Variants in ATXN2 observed in about 807,000 individuals in gnomAD.
ATXN2 encodes ataxin-2.
Under a neutral mutation model 138.6 loss-of-function variants are expected in ATXN2, and 37 were observed. The observed-to-expected ratio is 0.27, with a 90% CI of 0.21 to 0.35. ATXN2 has a LOEUF of 0.35. ATXN2 is among the 10% of genes least tolerant of loss of function. The pLI, the probability that ATXN2 is intolerant of heterozygous loss-of-function variation, is 1.00. For missense variants in ATXN2, 1,216 were observed against 1,480.3 expected, an observed-to-expected ratio of 0.82 and a Z score of 2.93; for synonymous variants, 549 against 543.7, an observed-to-expected ratio of 1.01 and a Z score of -0.13.
intron 14 of ATXN2, among the ~76,000 whole-genome samples, chr12:111,496,795 C>A (rs750883662): frequency 1.3e-5 from 2 of 151,932 alleles, no homozygotes; most frequent in Non-Finnish European, 2.9e-5. Flanking sequence ...AGTGGAAAAA[C>A]TTCATCTGCC....
chr12:111,552,653 A>G lies in ATXN2; in HGVS notation c.421-223T>C. 2 of 578,902 alleles carry G rather than the reference A, an allele frequency of 3.5e-6. No homozygotes were observed. The highest frequency in any genetic ancestry group is 5.7e-6 in the Non-Finnish European group (2 of 352,946). 35.9% of individuals were successfully genotyped at this position (578,902 alleles called of 1,614,324 possible). A position where few individuals can be genotyped will look rare whatever the true frequency, so the allele number is the denominator to read the frequency against. The stretch of plus-strand genomic sequence containing the variant: ...TTCTATGGTTTGTCTTAAGTACATT[A>G]ATAATAATTTTTAAGAGGAAAAAAC... On this transcript the variant is annotated intron_variant, in intron 4 of 24. Transcript: ENST00000673436. The surrounding 1 kb of genome is among the most constrained non-coding windows in gnomAD (Gnocchi z 4.1).
At chr12:111,464,754 G>A in intron 20 of ATXN2, 39 bp from the exon 21 acceptor site, 1 of 1,542,714 alleles carries the variant, frequency 6.5e-7, no homozygotes, top group Non-Finnish European at 8.9e-7. Context: ...AGCCTTTTGA[G>A]GTGTGCATTT....
At chr12:111,524,885 A>T (rs1490470964) in intron 6 of ATXN2, among the ~76,000 whole-genome samples, 1 of 152,216 alleles carries the variant, frequency 6.6e-6, no homozygotes, top group African/African-American at 2.4e-5. Flanking sequence ...AGCAAAACAC[A>T]CCGGCATTTC....
At chr12:111,534,271 C>A (rs907479336) in intron 5 of ATXN2, among the ~76,000 whole-genome samples, 2 of 151,820 alleles carry the variant, frequency 1.3e-5, no homozygotes, top group African/African-American at 4.8e-5. Flanking sequence ...CATGGTGATG[C>A]GCACCTGTGG....
chr12:111,571,194 A>C (rs1883292870), intron 1 of ATXN2, among the ~76,000 whole-genome samples: 1 of 152,234 alleles, frequency 6.6e-6, no homozygotes. Context: ...TGTGTACAAC[A>C]AGGAAGACAA....
chr12:111,598,210 C>T lies in ATXN2; in HGVS notation c.251+574G>A, dbSNP rs758850638. ...CCCCGTCCTCCGATCTTTCCCAGGACTCGGAGGGGGCGGGGAGAGAGCCCC... is the reference window on the plus strand; with the variant it reads ...CCCCGTCCTCCGATCTTTCCCAGGATTCGGAGGGGGCGGGGAGAGAGCCCC... On this transcript the variant is annotated intron_variant, in intron 1 of 24. Coordinates refer to ENST00000673436, the MANE Select transcript of ATXN2 (RefSeq NM_001372574.1). This position sits in a 1 kb window ranked among gnomAD's most constrained non-coding sequence, Gnocchi z 4.5. 1.5e-5 allele frequency: 16 copies of T among 1,050,622 alleles called. No homozygotes were observed. The highest frequency in any genetic ancestry group is 1.8e-5 in the Non-Finnish European group (16 of 867,248). 65.1% of individuals were successfully genotyped at this position (1,050,622 alleles called of 1,614,324 possible).
intron 3 of ATXN2, among the ~76,000 whole-genome samples, chr12:111,553,860 C>CA (rs1438082628): frequency 3.3e-5 from 5 of 151,996 alleles, no homozygotes; most frequent in Non-Finnish European, 5.9e-5. Context: ...CTCAAACTCC[C>CA]AAAGTGCTGG....
intron 11 of ATXN2, chr12:111,511,270 G>T (rs1207189990): frequency 6.6e-6 from 1 of 151,314 alleles, no homozygotes; most frequent in East Asian, 1.9e-4. Context: ...AGTCACAAGG[G>T]TCACGGAAGA....
chr12:111,505,809 T>A (rs371213254), intron 14 of ATXN2, among the ~76,000 whole-genome samples: 152 of 152,264 alleles, frequency 1.0e-3, no homozygotes, highest in African/African-American at 3.6e-3. Context: ...TAAACACAGT[T>A]GCCATATGAC....
chr12:111,541,686 ACT>A (rs1881527551), intron 5 of ATXN2, among the ~76,000 whole-genome samples: 1 of 148,110 alleles, frequency 6.8e-6, no homozygotes, highest in South Asian at 2.1e-4. Context: ...CTCCTTTATG[ACT>A]CTTGTGGAAA....
chr12:111,566,874 G>A (rs1261604030), intron 1 of ATXN2, among the ~76,000 whole-genome samples: 1 of 152,084 alleles, frequency 6.6e-6, no homozygotes, highest in African/African-American at 2.4e-5. Flanking sequence ...CTGACTTCAG[G>A]TGATCCGCCC....
intron 6 of ATXN2, among the ~76,000 whole-genome samples, chr12:111,523,598 C>T (rs1362914925): frequency 1.3e-5 from 2 of 151,918 alleles, no homozygotes; most frequent in East Asian, 1.9e-4. Context: ...TGGTGGCGCA[C>T]GCCTATAGTC....
intron 1 of ATXN2, among the ~76,000 whole-genome samples, chr12:111,589,401 G>A (rs1044580325): frequency 1.3e-5 from 2 of 152,168 alleles, no homozygotes; most frequent in African/African-American, 4.8e-5. Flanking sequence ...GGGAGGCCAA[G>A]GAGGGCAAAT....
Position 111,453,300 on chromosome 12 carries a change from A to G in ATXN2, c.3439+377T>C. On this transcript the variant is annotated intron_variant, in intron 24 of 24. Coordinates refer to ENST00000673436, the MANE Select transcript of ATXN2 (RefSeq NM_001372574.1). The surrounding 1 kb of genome is among the most constrained non-coding windows in gnomAD (Gnocchi z 5.4). ...TCAGCAGTATCTTCTCCAGAGCTAC[A>G]ATCAAACTCTGCCATGGTAATAACC... 1 of 1,063,156 alleles carries G rather than the reference A, an allele frequency of 9.4e-7. No individual in the cohort carries two copies. Among genetic ancestry groups the G allele is most frequent in the Middle Eastern group, 4.3e-4 (1 of 2,306 alleles). 65.9% of individuals were successfully genotyped at this position (1,063,156 alleles called of 1,614,324 possible).
At chr12:111,550,530 C>T (rs1050772879) in intron 5 of ATXN2, among the ~76,000 whole-genome samples, 1 of 152,020 alleles carries the variant, frequency 6.6e-6, no homozygotes, top group Admixed American at 6.6e-5. Flanking sequence ...TTTTATCTTC[C>T]AAAGTCAATT....
At position 111,582,813 on chromosome 12, in the gene ATXN2, C is replaced by T. The variant is rs576041684; in HGVS notation, c.251+15971G>A. ...CCTCCCAAGTAGCTGGGATTACAGG[C>T]GCCCGCCACCACGCCTGGCTAATTT... On this transcript the variant is annotated intron_variant, in intron 1 of 24. Transcript: ENST00000673436. Among the ~76,000 whole-genome samples, 3 of 151,190 alleles carry T rather than the reference C, an allele frequency of 2.0e-5. No individual in the cohort carries two copies. In the South Asian group the frequency reaches 6.3e-4, roughly 32 times the overall value.
chr12:111,493,928 T>G (rs1405612196), intron 14 of ATXN2, among the ~76,000 whole-genome samples: 2 of 151,596 alleles, frequency 1.3e-5, no homozygotes, highest in Non-Finnish European at 2.9e-5. Flanking sequence ...GCCAGGGTTT[T>G]GTTTTGTTTT....
chr12:111,501,737 A>G (rs1878776821), intron 14 of ATXN2, among the ~76,000 whole-genome samples: 1 of 152,230 alleles, frequency 6.6e-6, no homozygotes, highest in South Asian at 2.1e-4. Flanking sequence ...AATCTTTAGT[A>G]GAGGCGATCC....
intron 1 of ATXN2, among the ~76,000 whole-genome samples, chr12:111,561,701 G>A (rs1424611556): frequency 6.6e-6 from 1 of 151,960 alleles, no homozygotes; most frequent in African/African-American, 2.4e-5. Flanking sequence ...ACGTGTGGTG[G>A]CACATGTCTG....
Sources: gnomAD v4.1 joint callset for allele counts (sites outside exome capture counted in the v4.1 genomes callset) on GRCh38, gnomAD v4.1.1 for gene constraint, Gnocchi (gnomAD v3.1) non-coding constraint, MANE v1.5 for transcripts, NCBI Gene and HGNC (gene_info 2026-07-23, HGNC 2026-07-21) for gene names.